Variants in DGKB observed in about 807,000 individuals in gnomAD.
The protein encoded by DGKB is 90 kDa diacylglycerol kinase.
DGKB carries 67 observed loss-of-function variants against 114.3 expected under a neutral mutation model. That is an observed-to-expected ratio of 0.59 (90% confidence interval 0.48 to 0.72). The LOEUF (loss-of-function observed/expected upper bound fraction) is 0.72, where lower values mean the gene tolerates loss of function less well. Among genes scored for constraint, DGKB ranks in the 30% least tolerant of loss-of-function variants. The probability of loss-of-function intolerance (pLI) is 0.00; values close to 1 mark genes in which losing one functional copy is unlikely to be tolerated. For synonymous variants in DGKB, 398 were observed against 323.1 expected (o/e 1.23, Z -2.49); for missense variants, 907 against 975.2 (o/e 0.93, Z 0.93).
At chr7:14,506,013 G>A (rs779628009) in intron 20 of DGKB, among the ~76,000 whole-genome samples, 5 of 151,966 alleles carry the variant, frequency 3.3e-5, no homozygotes, top group Admixed American at 6.6e-5. Context: ...CAGGCCTATG[G>A]CATTCATTGT....
intron 1 of DGKB, among the ~76,000 whole-genome samples, chr7:14,900,793 A>G (rs1435153318): frequency 6.6e-6 from 1 of 152,184 alleles, no homozygotes; most frequent in Non-Finnish European, 1.5e-5. Context: ...AACTCCAACT[A>G]CATAAGTTTC....
chr7:14,740,247 T>C (rs1174416271), intron 4 of DGKB, among the ~76,000 whole-genome samples: 3 of 151,952 alleles, frequency 2.0e-5, no homozygotes, highest in African/African-American at 7.2e-5. Flanking sequence ...CTTTTTTTTT[T>C]TTTTTTCTCC....
intron 1 of DGKB, among the ~76,000 whole-genome samples, chr7:14,969,993 C>T (rs926035786): frequency 6.6e-6 from 1 of 152,114 alleles, no homozygotes; most frequent in African/African-American, 2.4e-5. Flanking sequence ...TATGGGACCT[C>T]CTTGTACATG....
chr7:14,175,102 G>T (rs1027068797), intron 25 of DGKB, among the ~76,000 whole-genome samples: 3 of 152,202 alleles, frequency 2.0e-5, no homozygotes, highest in African/African-American at 7.2e-5. Flanking sequence ...AACTAAGGTT[G>T]TTTACAGTAG....
chr7:14,288,146 A>G (rs1380098680), intron 23 of DGKB, among the ~76,000 whole-genome samples: 1 of 151,380 alleles, frequency 6.6e-6, no homozygotes, highest in Admixed American at 6.6e-5. Flanking sequence ...TTTCTTGTAT[A>G]TAAGAAATTA....
rs1850973801 is a variant in DGKB, at chr7:14,861,522, A to T, written c.-187-20072T>A. ...TTATATAAAAAGTTGAAAGAAAAAT[A>T]ATAAAGTACCCTCCCTTGTACCTGC... On this transcript the variant is annotated intron_variant, in intron 1 of 25. Transcript: ENST00000402815. 3.9e-5 allele frequency among the ~76,000 whole-genome samples: 6 copies of T among 152,034 alleles called. No individual in the cohort carries two copies. In the South Asian group the frequency reaches 1.2e-3, roughly 32 times the overall value.
intron 20 of DGKB, among the ~76,000 whole-genome samples, chr7:14,479,514 AC>A (rs1338017491): frequency 6.6e-6 from 1 of 152,142 alleles, no homozygotes; most frequent in African/African-American, 2.4e-5. Context: ...AATAAAGGTT[AC>A]AAAAATCCCC....
At chr7:14,646,167 G>C (rs1398524991) in intron 13 of DGKB, among the ~76,000 whole-genome samples, 1 of 152,060 alleles carries the variant, frequency 6.6e-6, no homozygotes, top group Non-Finnish European at 1.5e-5. Context: ...GAAAGCAAAG[G>C]AATAGAAAAA....
rs1387317779 is a variant in DGKB at position 14,146,305 on chromosome 7, T to C, written c.*2826A>G. The C allele has an allele frequency of 6.6e-6, 1 of 152,236 alleles. No homozygotes were observed. Among genetic ancestry groups the C allele is most frequent in the African/African-American group, 2.4e-5 (1 of 41,464 alleles). The allele number at this position is 152,236 out of a possible 1,614,324, so 9.4% of individuals were successfully genotyped here. A position where few individuals can be genotyped will look rare whatever the true frequency, so the allele number is the denominator to read the frequency against. ...TCTGAAATGTCTCTCTGGAATCTCATCAACTCAGTGCCTAGCAATGTTTAG... is the reference window on the plus strand; with the variant it reads ...TCTGAAATGTCTCTCTGGAATCTCACCAACTCAGTGCCTAGCAATGTTTAG... On this transcript the variant is annotated 3_prime_UTR_variant, in exon 26 of 26. Transcript: ENST00000402815.
At chr7:14,803,863 G>A (rs1241488827) in intron 2 of DGKB, among the ~76,000 whole-genome samples, 2 of 151,870 alleles carry the variant, frequency 1.3e-5, no homozygotes, top group African/African-American at 2.4e-5. Flanking sequence ...GAAGTCTAAC[G>A]TAGCTCAATA....
chr7:14,801,093 A>G (rs1004503313), intron 2 of DGKB, among the ~76,000 whole-genome samples: 7 of 152,108 alleles, frequency 4.6e-5, no homozygotes, highest in African/African-American at 1.7e-4. Context: ...ATGTGCATAT[A>G]TATATTTGAT....
intron 21 of DGKB, among the ~76,000 whole-genome samples, chr7:14,353,389 C>T (rs1813832642): frequency 6.6e-6 from 1 of 152,118 alleles, no homozygotes; most frequent in African/African-American, 2.4e-5. Flanking sequence ...ATTTTTTTCT[C>T]TGATCAAGAC....
At chr7:14,956,429 G>C (rs968082657) in intron 1 of DGKB, among the ~76,000 whole-genome samples, 23 of 151,930 alleles carry the variant, frequency 1.5e-4, no homozygotes, top group African/African-American at 5.3e-4. Context: ...TAAAGTTTTG[G>C]TCAATATTTG....
intron 21 of DGKB, among the ~76,000 whole-genome samples, chr7:14,354,505 T>C (rs1275001306): frequency 6.6e-6 from 1 of 152,162 alleles, no homozygotes; most frequent in Non-Finnish European, 1.5e-5. Flanking sequence ...ATTATGTTTA[T>C]ACAAGAAAAG....
chr7:14,197,669 C>T (rs1423785621), intron 23 of DGKB, among the ~76,000 whole-genome samples: 1 of 152,100 alleles, frequency 6.6e-6, no homozygotes, highest in Non-Finnish European at 1.5e-5. Flanking sequence ...TTTAAAGCTT[C>T]CATATAGAAC....
intron 23 of DGKB, among the ~76,000 whole-genome samples, chr7:14,201,708 C>T (rs1785920236): frequency 6.6e-6 from 1 of 151,868 alleles, no homozygotes; most frequent in Non-Finnish European, 1.5e-5. Context: ...GTGGGACATC[C>T]ACATGGAGCT....
intron 1 of DGKB, among the ~76,000 whole-genome samples, chr7:14,937,204 T>G (rs1785320535): frequency 6.6e-6 from 1 of 152,150 alleles, no homozygotes; most frequent in Non-Finnish European, 1.5e-5. Context: ...TAATAGAATT[T>G]AAATAAAAAC....
chr7:14,544,043 G>A (rs1285978735), intron 20 of DGKB, among the ~76,000 whole-genome samples: 1 of 152,060 alleles, frequency 6.6e-6, no homozygotes, highest in African/African-American at 2.4e-5. Context: ...TATTTCCGTA[G>A]AATTAAGGGA....
chr7:14,292,462 T>A (rs1584970950), intron 23 of DGKB, among the ~76,000 whole-genome samples: 3 of 152,342 alleles, frequency 2.0e-5, no homozygotes, highest in Admixed American at 2.0e-4. Context: ...TCGGATTGAC[T>A]ACAATTCAAA....
Sources: allele counts gnomAD v4.1 joint callset (sites outside exome capture counted in the v4.1 genomes callset), GRCh38; gene constraint gnomAD v4.1.1; transcripts MANE v1.5; gene names NCBI Gene and HGNC (gene_info 2026-07-23, HGNC 2026-07-21).